Variants in HOOK1 observed in about 807,000 individuals in gnomAD.
HOOK1 encodes the protein hook microtubule tethering protein 1, also known as protein Hook homolog 1.
A neutral mutation model predicts 112.8 loss-of-function variants in HOOK1; 60 were observed. That is an observed-to-expected ratio of 0.53 (90% CI 0.43 to 0.66). The LOEUF is 0.66. Ranked by LOEUF, HOOK1 falls within the 30% of genes least tolerant of loss-of-function variation. HOOK1 has a pLI of 0.00. For synonymous variants in HOOK1, 294 were observed against 283.8 expected (o/e 1.04, Z -0.36); for missense variants, 770 against 856.0 (o/e 0.90, Z 1.25).
intron 2 of HOOK1, among the ~76,000 whole-genome samples, chr1:59,826,970 G>A (rs2098390415): frequency 6.6e-6 from 1 of 152,042 alleles, no homozygotes; most frequent in Non-Finnish European, 1.5e-5. Context: ...TCTCCGTGTT[G>A]GTCAGCCTGG....
At chr1:59,871,214 C>A in intron 21 of HOOK1, 104 bp downstream of exon 21, 1 of 699,074 alleles carries the variant, frequency 1.4e-6, no homozygotes, top group Non-Finnish European at 2.4e-6. Flanking sequence ...ATACCATAAA[C>A]CAAGACATAG....
At chr1:59,859,717 A>G (rs2102064067) in intron 14 of HOOK1, among the ~76,000 whole-genome samples, 1 of 152,128 alleles carries the variant, frequency 6.6e-6, no homozygotes, top group East Asian at 1.9e-4. Flanking sequence ...TTTCAGAAAC[A>G]AAAGATCTAG....
Position 59,858,434 on chromosome 1 carries a change from A to G in HOOK1, c.1249A>G (p.Ile417Val), listed in dbSNP as rs1232482905. 17 of 1,607,042 alleles carry G rather than the reference A, an allele frequency of 1.1e-5. No homozygotes were observed. The highest frequency in any genetic ancestry group is 1.4e-5 in the Non-Finnish European group (17 of 1,173,714). The change falls in exon 13 of 22, where the codon ATT becomes GTT. Residue 417 changes from isoleucine (I) to valine (V), a missense_variant. Ile to Val is a conservative substitution (Grantham distance 29). Transcript: ENST00000371208. Reference sequence around the variant, plus strand: ...TATCAACAATTCTTTTCAGAGACTAATTGAGCAGCGTGATACTTTGAAAGA... The same window carrying G: ...TATCAACAATTCTTTTCAGAGACTAGTTGAGCAGCGTGATACTTTGAAAGA... ...EALLKEKERL[I>V]EQRDTLKETN... is the part of the protein sequence containing the mutation.
intron 12 of HOOK1, among the ~76,000 whole-genome samples, chr1:59,853,268 T>A (rs72923814): frequency 0.011 from 1,651 of 152,192 alleles, 23 homozygotes; most frequent in African/African-American, 0.037. Flanking sequence ...CGTCAGTTTT[T>A]ACCTCATGTA....
At chr1:59,835,776 A>G (rs1305318469) in intron 6 of HOOK1, among the ~76,000 whole-genome samples, 3 of 152,130 alleles carry the variant, frequency 2.0e-5, no homozygotes, top group African/African-American at 7.2e-5. Context: ...ATAATCAGGC[A>G]TTAGATTCAC....
chr1:59,847,134 C>G lies in HOOK1; in HGVS notation c.878C>G (p.Thr293Ser). The part of the protein sequence containing the change: ...IEFQHRNDEL[T>S]SLAEETRALK... ...TTCCAGCATAGGAATGATGAATTGACTAGTCTTGCAGAAGAAACAAGAGCC... is the reference window on the plus strand; with the variant it reads ...TTCCAGCATAGGAATGATGAATTGAGTAGTCTTGCAGAAGAAACAAGAGCC... The change falls in exon 10 of 22, where the codon ACT (threonine) becomes AGT (serine). Residue 293 changes from threonine to serine, a missense_variant. Physicochemically the swap from Thr to Ser is moderately conservative, Grantham distance 58. This residue lies in a region of HOOK1 where 655 missense variants were observed against 725.9 expected (regional missense o/e 0.90). Transcript: ENST00000371208. 6.2e-7 allele frequency: 1 copy of G among 1,607,532 alleles called. No homozygotes were observed. The highest frequency in any genetic ancestry group is 8.5e-7 in the Non-Finnish European group (1 of 1,176,564).
chr1:59,818,995 T>C (rs1354448350), intron 1 of HOOK1, among the ~76,000 whole-genome samples: 1 of 152,142 alleles, frequency 6.6e-6, no homozygotes, highest in Non-Finnish European at 1.5e-5. Context: ...GAGAGTAAGG[T>C]AATTATTTGC....
At chr1:59,841,969 A>T (rs187424111) in intron 8 of HOOK1, among the ~76,000 whole-genome samples, 24 of 152,224 alleles carry the variant, frequency 1.6e-4, no homozygotes, top group Non-Finnish European at 2.8e-4. Flanking sequence ...CTGGGGTGGG[A>T]ACAAGGAATG....
rs913601559 is a variant in HOOK1 at position 59,864,663 on chromosome 1, A to G, written c.1658A>G (p.His553Arg). Residue 553 changes from histidine (H) to arginine (R), a missense_variant, in exon 17 of 22, where the codon CAT becomes CGT. His to Arg is a conservative substitution (Grantham distance 29). Around this residue, in one of 3 missense-constraint regions of HOOK1, gnomAD observed 655 missense variants for 725.9 expected, o/e 0.90. Transcript: ENST00000371208. ...AAATTAAAGCAGAAGTTGGAAGCTC[A>G]TATGTAAGTAAAACTGATATTTCTT... ...SSKLKQKLEA[H>R]MEKLTEVHEE... 7 of 1,530,360 alleles carry G rather than the reference A, an allele frequency of 4.6e-6. No individual in the cohort carries two copies. In the Admixed American group the frequency reaches 8.7e-5, roughly 19 times the overall value. The allele number at this position is 1,530,360 out of a possible 1,614,324, so 94.8% of individuals were successfully genotyped here.
chr1:59,819,237 C>A (rs1262279483), intron 1 of HOOK1, among the ~76,000 whole-genome samples: 1 of 149,864 alleles, frequency 6.7e-6, no homozygotes, highest in East Asian at 2.0e-4. Context: ...GCAACCTCCA[C>A]CTCCCGGGTT....
rs760004858 is a variant in HOOK1 at position 59,860,250 on chromosome 1, A to T, written c.1454A>T (p.Glu485Val). 6.2e-7 allele frequency: 1 copy of T among 1,611,066 alleles called. No individual in the cohort carries two copies. The highest frequency in any genetic ancestry group is 2.2e-5 in the East Asian group (1 of 44,730). ...KMLRLQQEGS[E>V]NERIEELQEQ... ...CTTCGCTTACAGCAAGAAGGCTCTG[A>T]GAATGAACGTATTGAGGAACTTCAG... Residue 485 changes from glutamate (E) to valine (V), a missense_variant, in exon 15 of 22, where the codon GAG (glutamate) becomes GTG (valine). Around this residue, in one of 3 missense-constraint regions of HOOK1, gnomAD observed 655 missense variants for 725.9 expected, o/e 0.90. Coordinates refer to ENST00000371208, the MANE Select transcript of HOOK1 (RefSeq NM_015888.6).
At chr1:59,846,585 T>TCCTTCCTCCCGCCCTC (rs1487711030) in intron 9 of HOOK1, among the ~76,000 whole-genome samples, 1 of 61,000 alleles carries the variant, frequency 1.6e-5, no homozygotes, top group Non-Finnish European at 3.1e-5. Context: ...CTTCCTTCCT[T>TCCTTCCTCCCGCCCTC]CCTCCCTCCT....
At position 59,873,674 on chromosome 1, in the gene HOOK1, A is replaced by G. The variant is rs1644091165; in HGVS notation, c.*709A>G. 1 of 147,846 alleles carries G rather than the reference A, an allele frequency of 6.8e-6. No homozygotes were observed. Among genetic ancestry groups the G allele is most frequent in the African/African-American group, 2.5e-5 (1 of 40,426 alleles). The allele number at this position is 147,846 out of a possible 1,614,324, so 9.2% of individuals were successfully genotyped here. ...GGACATCATGTTTAAAATGTTAAGC[A>G]TAAGAAATAAACTGACATTTGTAAT... is the stretch of plus-strand genomic sequence containing the variant. On this transcript the variant is annotated 3_prime_UTR_variant, in exon 22 of 22. Transcript: ENST00000371208.
intron 20 of HOOK1, among the ~76,000 whole-genome samples, chr1:59,868,833 G>A (rs1466215018): frequency 6.6e-6 from 1 of 152,110 alleles, no homozygotes; most frequent in African/African-American, 2.4e-5. Flanking sequence ...GTGAACTCCT[G>A]AACTAAAGTG....
At chr1:59,849,442 G>A (rs12406633) in intron 12 of HOOK1, among the ~76,000 whole-genome samples, 3,726 of 151,622 alleles carry the variant, frequency 0.025, 54 homozygotes, top group Middle Eastern at 0.034. Context: ...TCAGTTGCAT[G>A]GGATCAAGGA....
intron 3 of HOOK1, among the ~76,000 whole-genome samples, chr1:59,831,359 G>A (rs562539165): frequency 9.9e-5 from 15 of 152,172 alleles, no homozygotes; most frequent in East Asian, 5.8e-4. Flanking sequence ...TGTTTTGTGC[G>A]TGTAGCATGG....
At chr1:59,863,638 G>A (rs919451834) in intron 16 of HOOK1, among the ~76,000 whole-genome samples, 2 of 152,126 alleles carry the variant, frequency 1.3e-5, no homozygotes, top group Non-Finnish European at 2.9e-5. Flanking sequence ...GACTAGATAT[G>A]TGTTAGGGAT....
Position 59,872,876 on chromosome 1 carries a change from CCTG to C in HOOK1, c.2100_2102del (p.Ala701del), listed in dbSNP as rs984232882. On this transcript the variant is annotated inframe_deletion, in exon 22 of 22. Transcript: ENST00000371208. ...CTGCAGTGACACTGGTGCGTGCACTCCTGCGCGGTCTTTCTTAGCGCAGCAACG... is the reference window on the plus strand; with the variant it reads ...CTGCAGTGACACTGGTGCGTGCACTCCGCGGTCTTTCTTAGCGCAGCAACG... The C allele has an allele frequency of 3.3e-6, 5 of 1,529,278 alleles. No individual in the cohort carries two copies. The African/African-American group carries it at 6.9e-5, about 21-fold the overall frequency. The allele number at this position is 1,529,278 out of a possible 1,614,324, so 94.7% of individuals were successfully genotyped here.
intron 6 of HOOK1, among the ~76,000 whole-genome samples, chr1:59,835,968 C>G (rs1275478143): frequency 6.6e-6 from 1 of 151,938 alleles, no homozygotes; most frequent in African/African-American, 2.4e-5. Context: ...GGGGACCCTT[C>G]CTTTAAATAA....
Sources: allele counts gnomAD v4.1 joint callset (sites outside exome capture counted in the v4.1 genomes callset), GRCh38; gene constraint gnomAD v4.1.1; regional missense constraint gnomAD v4.1.1; transcripts MANE v1.5; gene names NCBI Gene and HGNC (gene_info 2026-07-23, HGNC 2026-07-21).